The following R3HCC1L variants were observed in gnomAD, a reference collection of about 807,000 sequenced individuals.
R3HCC1L encodes the protein coiled-coil domain-containing protein R3HCC1L.
In R3HCC1L, 51 loss-of-function variants were observed where a neutral mutation model predicts 59.9. The ratio of observed to expected loss-of-function variants is 0.85; its 90% CI spans 0.68 to 1.07. The LOEUF (loss-of-function observed/expected upper bound fraction) is 1.07. Among genes scored for constraint, R3HCC1L ranks in the 50% least tolerant of loss-of-function variants. The pLI is 0.00. For synonymous variants in R3HCC1L, 322 were observed against 315.2 expected (o/e 1.02, Z -0.23); for missense variants, 965 against 933.0 (o/e 1.03, Z -0.45).
intron 1 of R3HCC1L, among the ~76,000 whole-genome samples, chr10:98,152,843 C>T (rs1300588258): frequency 2.0e-5 from 3 of 151,686 alleles, no homozygotes; most frequent in African/African-American, 4.8e-5. Flanking sequence ...GCAGCCGCCC[C>T]GTCTGGGAAG....
At chr10:98,152,888 G>A (rs1188668749) in intron 1 of R3HCC1L, among the ~76,000 whole-genome samples, 9 of 151,768 alleles carry the variant, frequency 5.9e-5, no homozygotes, top group African/African-American at 1.7e-4. Context: ...CACCCCGTCC[G>A]GGAGGGAGGA....
intron 5 of R3HCC1L, among the ~76,000 whole-genome samples, chr10:98,216,528 G>T (rs1418327828): frequency 6.6e-6 from 1 of 152,106 alleles, no homozygotes; most frequent in Admixed American, 6.6e-5. Context: ...ACATGTATTT[G>T]TTGTTGTATA....
At chr10:98,230,872 T>C (rs1230939308) in intron 5 of R3HCC1L, among the ~76,000 whole-genome samples, 3 of 152,144 alleles carry the variant, frequency 2.0e-5, no homozygotes, top group African/African-American at 7.2e-5. Context: ...GGTAGAATTT[T>C]AATTTGTTAC....
chr10:98,176,942 A>G (rs547176375), intron 4 of R3HCC1L, among the ~76,000 whole-genome samples: 4 of 152,198 alleles, frequency 2.6e-5, no homozygotes, highest in African/African-American at 4.8e-5. Flanking sequence ...TATTTTATGT[A>G]CATCTATTGA....
chr10:98,163,167 A>G (rs188698745), intron 3 of R3HCC1L, 126 bp from the exon 4 acceptor site: 13 of 346,124 alleles, frequency 3.8e-5, no homozygotes, highest in Non-Finnish European at 5.7e-5. Context: ...TGCACATTCT[A>G]TGGCAAATCA....
At position 98,134,662 on chromosome 10, in the gene R3HCC1L, T is replaced by G. The variant is rs930664608; in HGVS notation, c.-312T>G. On this transcript the variant is annotated 5_prime_UTR_variant, in exon 1 of 10. Coordinates refer to ENST00000298999, the MANE Select transcript of R3HCC1L (RefSeq NM_001351015.2). The stretch of plus-strand genomic sequence containing the variant: ...GCCCCAGCGGCGCGAGCGGAAGAGA[T>G]AGAGCTTCGCGGAGACGGCGGAAGC... 2.0e-5 allele frequency: 3 copies of G among 152,214 alleles called. No homozygotes were observed. Among genetic ancestry groups the G allele is most frequent in the African/African-American group, 4.8e-5 (2 of 41,438 alleles). 9.4% of individuals were successfully genotyped at this position (152,214 alleles called of 1,614,324 possible). A position where few individuals can be genotyped will look rare whatever the true frequency, so the allele number is the denominator to read the frequency against.
intron 4 of R3HCC1L, among the ~76,000 whole-genome samples, chr10:98,177,583 C>T (rs768646621): frequency 6.6e-6 from 1 of 152,176 alleles, no homozygotes; most frequent in Non-Finnish European, 1.5e-5. Context: ...ATTTCTAGTT[C>T]TAGATCCTTG....
At chr10:98,198,771 A>G (rs1169686985) in intron 4 of R3HCC1L, among the ~76,000 whole-genome samples, 1 of 152,148 alleles carries the variant, frequency 6.6e-6, no homozygotes, top group Non-Finnish European at 1.5e-5. Context: ...GTGTGTTCCC[A>G]TGCTGCTGAA....
At position 98,208,238 on chromosome 10, in the gene R3HCC1L, T is replaced by C; in HGVS notation, c.124T>C (p.Ser42Pro). The change falls in exon 5 of 10, where the codon TCA becomes CCA. Residue 42 changes from serine to proline, a missense_variant. Coordinates refer to ENST00000298999, the MANE Select transcript of R3HCC1L (RefSeq NM_001351015.2). The part of the protein sequence containing the change: ...KTGDEEESCG[S>P]PNSVVKEKQK... ...AGGTGATGAAGAAGAAAGCTGTGGT[T>C]CACCTAACTCTGTGGTGAAAGAAAA... is the stretch of plus-strand genomic sequence containing the variant. 1 of 1,614,066 alleles carries C rather than the reference T, an allele frequency of 6.2e-7. No homozygotes were observed. The highest frequency in any genetic ancestry group is 8.5e-7 in the Non-Finnish European group (1 of 1,180,026).
At chr10:98,186,416 T>A in intron 4 of R3HCC1L, 1 of 707,050 alleles carries the variant, frequency 1.4e-6, no homozygotes, top group African/African-American at 1.9e-5. Flanking sequence ...CTGTTCCATG[T>A]AGAGAGACAT....
intron 4 of R3HCC1L, among the ~76,000 whole-genome samples, chr10:98,194,943 T>C (rs76249068): frequency 0.025 from 3,827 of 152,186 alleles, 62 homozygotes; most frequent in Middle Eastern, 0.041. Flanking sequence ...AACTATCATA[T>C]AAGCCAGCAG....
chr10:98,140,022 C>G (rs1182062745), intron 1 of R3HCC1L, among the ~76,000 whole-genome samples: 1 of 151,804 alleles, frequency 6.6e-6, no homozygotes, highest in Non-Finnish European at 1.5e-5. Context: ...GCTGACAGTT[C>G]ATGACCATTT....
chr10:98,212,073 G>C (rs909151978), intron 5 of R3HCC1L, among the ~76,000 whole-genome samples: 3 of 152,082 alleles, frequency 2.0e-5, no homozygotes, highest in African/African-American at 7.2e-5. Context: ...CTGTGTTGAG[G>C]AATGAGCATA....
intron 4 of R3HCC1L, among the ~76,000 whole-genome samples, chr10:98,177,001 A>G (rs973533549): frequency 6.6e-6 from 1 of 151,946 alleles, no homozygotes; most frequent in East Asian, 1.9e-4. Context: ...GGCGAATTAC[A>G]TTTTGCCTGA....
intron 4 of R3HCC1L, among the ~76,000 whole-genome samples, chr10:98,203,089 A>C (rs562471481): frequency 7.9e-5 from 12 of 152,324 alleles, no homozygotes; most frequent in African/African-American, 2.9e-4. Flanking sequence ...TGAAAGTATT[A>C]TATTAGTGTT....
intron 4 of R3HCC1L, among the ~76,000 whole-genome samples, chr10:98,176,765 T>C (rs1445111372): frequency 6.6e-6 from 1 of 152,174 alleles, no homozygotes; most frequent in East Asian, 1.9e-4. Flanking sequence ...AGTGTGGTCA[T>C]CTTTACTTTA....
chr10:98,192,525 C>T (rs1025524037), intron 4 of R3HCC1L, among the ~76,000 whole-genome samples: 6 of 152,108 alleles, frequency 3.9e-5, no homozygotes, highest in Admixed American at 2.0e-4. Flanking sequence ...AACAATTATA[C>T]GCCAACATAT....
At chr10:98,215,845 A>G (rs1373692417) in intron 5 of R3HCC1L, among the ~76,000 whole-genome samples, 1 of 152,242 alleles carries the variant, frequency 6.6e-6, no homozygotes, top group Non-Finnish European at 1.5e-5. Context: ...GATGAAATGT[A>G]TATATCCAAC....
chr10:98,165,398 G>A (rs975661991), intron 4 of R3HCC1L, among the ~76,000 whole-genome samples: 6 of 152,212 alleles, frequency 3.9e-5, no homozygotes, highest in African/African-American at 9.6e-5. Flanking sequence ...AAAGGTAAGG[G>A]TAATGGGGAT....
Sources: gnomAD v4.1 joint callset for allele counts (sites outside exome capture counted in the v4.1 genomes callset) on GRCh38, gnomAD v4.1.1 for gene constraint, MANE v1.5 for transcripts, NCBI Gene and HGNC (gene_info 2026-07-23, HGNC 2026-07-21) for gene names.